The following CACNB2 variants were observed in gnomAD, a reference collection of about 807,000 sequenced individuals.
The protein encoded by CACNB2 is voltage-dependent L-type calcium channel subunit beta-2.
A neutral mutation model predicts 73.3 loss-of-function variants in CACNB2; 42 were observed. The ratio of observed to expected loss-of-function variants is 0.57; its 90% CI spans 0.45 to 0.74. CACNB2 has a LOEUF of 0.74. Among genes scored for constraint, CACNB2 ranks in the 30% least tolerant of loss-of-function variants. CACNB2 has a pLI of 0.00. For missense variants in CACNB2, 940 were observed against 853.0 expected (o/e 1.10, Z -1.27); for synonymous variants, 348 against 310.3 (o/e 1.12, Z -1.28).
At chr10:18,181,757 G>C (rs2033898456) in intron 2 of CACNB2, 1 of 151,360 alleles carries the variant, frequency 6.6e-6, no homozygotes, top group African/African-American at 2.4e-5. Context: ...TGTAACTATG[G>C]GCGCATGCAA....
chr10:18,269,429 C>A (rs2037952158), intron 2 of CACNB2, among the ~76,000 whole-genome samples: 1 of 152,102 alleles, frequency 6.6e-6, no homozygotes. Context: ...CAATGTCTTG[C>A]CATATTGCTA....
intron 3 of CACNB2, among the ~76,000 whole-genome samples, chr10:18,409,498 C>G (rs2044495804): frequency 6.6e-6 from 1 of 152,172 alleles, no homozygotes; most frequent in Admixed American, 6.5e-5. Context: ...CAGCTTATCA[C>G]TTATCTTGAC....
intron 3 of CACNB2, among the ~76,000 whole-genome samples, chr10:18,460,023 A>C (rs961243285): frequency 6.6e-6 from 1 of 152,136 alleles, no homozygotes; most frequent in South Asian, 2.1e-4. Context: ...AAAGTCGAAT[A>C]CTAACATATT....
At chr10:18,186,522 T>G (rs1189703211) in intron 2 of CACNB2, among the ~76,000 whole-genome samples, 11 of 152,146 alleles carry the variant, frequency 7.2e-5, no homozygotes, top group African/African-American at 2.7e-4. Context: ...AGCATGATGC[T>G]GGCATCTCCT....
chr10:18,211,005 T>G (rs2035295606), intron 2 of CACNB2, among the ~76,000 whole-genome samples: 1 of 152,144 alleles, frequency 6.6e-6, no homozygotes, highest in African/African-American at 2.4e-5. Flanking sequence ...AGTAGCTACT[T>G]TGTAGAATTG....
chr10:18,196,983 C>T (rs1411963752), intron 2 of CACNB2, among the ~76,000 whole-genome samples: 1 of 151,966 alleles, frequency 6.6e-6, no homozygotes, highest in Non-Finnish European at 1.5e-5. Context: ...CTCCCCTCCT[C>T]TCCTCCCCTC....
chr10:18,532,701 A>AAAC (rs2053179661), intron 10 of CACNB2, among the ~76,000 whole-genome samples: 1 of 58,586 alleles, frequency 1.7e-5, no homozygotes, highest in Non-Finnish European at 3.6e-5. Flanking sequence ...AAAAAACAAA[A>AAAC]CAAAAAAACA....
At chr10:18,237,997 T>C (rs193088965) in intron 2 of CACNB2, among the ~76,000 whole-genome samples, 1 of 152,306 alleles carries the variant, frequency 6.6e-6, no homozygotes, top group Non-Finnish European at 1.5e-5. Context: ...TCTCTCTCTG[T>C]AGCGTGGAGC....
At chr10:18,344,764 C>T (rs765086756) in intron 2 of CACNB2, among the ~76,000 whole-genome samples, 13 of 152,014 alleles carry the variant, frequency 8.6e-5, no homozygotes, top group African/African-American at 2.4e-4. Flanking sequence ...GCAACAACTC[C>T]GTCTCAAAAT....
At chr10:18,299,568 A>T (rs563448725) in intron 2 of CACNB2, among the ~76,000 whole-genome samples, 1 of 152,124 alleles carries the variant, frequency 6.6e-6, no homozygotes, top group South Asian at 2.1e-4. Flanking sequence ...AAAATTAGCC[A>T]GGCATGGTGG....
intron 2 of CACNB2, among the ~76,000 whole-genome samples, chr10:18,186,430 A>AT (rs1446464858): frequency 1.3e-5 from 2 of 151,806 alleles, no homozygotes; most frequent in Non-Finnish European, 2.9e-5. Context: ...AAAAAAAAAA[A>AT]GAAAGAAAGA....
intron 4 of CACNB2, among the ~76,000 whole-genome samples, chr10:18,500,411 A>T (rs1331998575): frequency 6.6e-6 from 1 of 152,196 alleles, no homozygotes; most frequent in Non-Finnish European, 1.5e-5. Flanking sequence ...ACACTTCAAT[A>T]TTTATCTCTT....
chr10:18,460,915 G>A (rs1364452796), intron 3 of CACNB2, among the ~76,000 whole-genome samples: 1 of 149,666 alleles, frequency 6.7e-6, no homozygotes, highest in Non-Finnish European at 1.5e-5. Context: ...TCCACTTTTT[G>A]CTCTATTTCT....
At chr10:18,198,450 T>G (rs1199595856) in intron 2 of CACNB2, among the ~76,000 whole-genome samples, 1 of 152,122 alleles carries the variant, frequency 6.6e-6, no homozygotes, top group Non-Finnish European at 1.5e-5. Flanking sequence ...AGCTTCCTAG[T>G]TGGTGCTACT....
In CACNB2 at chr10:18,496,260, A is replaced by G. The variant is rs948502784; in HGVS notation, c.334-2095A>G. Among the ~76,000 whole-genome samples the G allele has an allele frequency of 1.1e-4, 17 of 151,596 alleles. No homozygotes were observed. The East Asian group carries it at 3.3e-3, about 29-fold the overall frequency. On this transcript the variant is annotated intron_variant, in intron 3 of 13. Transcript: ENST00000324631. ...AAATATTTAACTCCACCTCATGTCTATTGTGCCTATATCCAGAATTTGGTT... is the reference window on the plus strand; with the variant it reads ...AAATATTTAACTCCACCTCATGTCTGTTGTGCCTATATCCAGAATTTGGTT...
At chr10:18,340,727 C>G in intron 2 of CACNB2, 1 of 1,458,460 alleles carries the variant, frequency 6.9e-7, no homozygotes, top group Non-Finnish European at 9.0e-7. Flanking sequence ...GGTTCTGGAA[C>G]AGAGAGCTGT....
At chr10:18,200,865 T>A (rs1307996598) in intron 2 of CACNB2, among the ~76,000 whole-genome samples, 8 of 152,180 alleles carry the variant, frequency 5.3e-5, no homozygotes, top group Admixed American at 2.6e-4. Context: ...TGCCCACATA[T>A]CTGAAGGAAG....
intron 3 of CACNB2, among the ~76,000 whole-genome samples, chr10:18,462,159 C>G (rs2047615325): frequency 6.6e-6 from 1 of 152,138 alleles, no homozygotes; most frequent in South Asian, 2.1e-4. Context: ...GTCCAAGGAT[C>G]CTGGGACAGA....
chr10:18,169,382 TTTC>T (rs2033081481), intron 2 of CACNB2, among the ~76,000 whole-genome samples: 1 of 152,070 alleles, frequency 6.6e-6, no homozygotes, highest in African/African-American at 2.4e-5. Flanking sequence ...TACAAATAGG[TTTC>T]TTCTGATTAC....
Sources: allele counts gnomAD v4.1 joint callset (sites outside exome capture counted in the v4.1 genomes callset), GRCh38; gene constraint gnomAD v4.1.1; transcripts MANE v1.5; gene names NCBI Gene and HGNC (gene_info 2026-07-23, HGNC 2026-07-21).